Variants in CA8 observed in about 807,000 individuals in gnomAD.
CA8 encodes carbonic anhydrase-related protein.
A neutral mutation model predicts 41.4 loss-of-function variants in CA8; 22 were observed. The observed-to-expected ratio is 0.53, with a 90% CI of 0.38 to 0.76. The LOEUF is 0.76. Ranked by LOEUF, CA8 falls within the 30% of genes least tolerant of loss-of-function variation. The pLI is 0.00. For missense variants in CA8, 270 were observed against 352.8 expected (o/e 0.77, Z 1.88); for synonymous variants, 121 against 130.6 (o/e 0.93, Z 0.50).
At chr8:60,228,368 GA>G (rs112392279) in intron 4 of CA8, among the ~76,000 whole-genome samples, 1,794 of 152,340 alleles carry the variant, frequency 0.012, 24 homozygotes, top group African/African-American at 0.041. Context: ...AGGAGAAATG[GA>G]CTTCTCTTTT....
chr8:60,248,307 C>G (rs369383101), intron 3 of CA8, among the ~76,000 whole-genome samples: 7 of 152,022 alleles, frequency 4.6e-5, no homozygotes, highest in African/African-American at 1.7e-4. Flanking sequence ...TTTGGTGTTT[C>G]CGTCACGAAA....
chr8:60,265,788 A>G (rs1201990064), intron 3 of CA8, 137 bp downstream of exon 3: 1 of 965,086 alleles, frequency 1.0e-6, no homozygotes, highest in African/African-American at 1.6e-5. Context: ...CATTGCATTA[A>G]GCATTTTTTA....
chr8:60,217,315 G>A (rs1344219340), intron 7 of CA8, among the ~76,000 whole-genome samples: 1 of 152,188 alleles, frequency 6.6e-6, no homozygotes, highest in East Asian at 1.9e-4. Flanking sequence ...ATCTCTCCTT[G>A]TGGCTAAATC....
At chr8:60,199,833 A>T (rs374949453) in intron 8 of CA8, among the ~76,000 whole-genome samples, 1 of 152,230 alleles carries the variant, frequency 6.6e-6, no homozygotes, top group Non-Finnish European at 1.5e-5. Flanking sequence ...AGGCCAATCT[A>T]TATGTACCAA....
At chr8:60,224,232 C>A (rs1807348587) in intron 6 of CA8, among the ~76,000 whole-genome samples, 1 of 152,148 alleles carries the variant, frequency 6.6e-6, no homozygotes, top group African/African-American at 2.4e-5. Flanking sequence ...CAGGCATGAG[C>A]CACCACACCC....
chr8:60,280,898 G>A (rs1383281038), intron 1 of CA8, 150 bp downstream of exon 1: 6 of 680,322 alleles, frequency 8.8e-6, no homozygotes, highest in Admixed American at 6.3e-5. Context: ...AAACGCACCA[G>A]GGGAGTGGGA....
intron 7 of CA8, among the ~76,000 whole-genome samples, chr8:60,217,809 C>G (rs554052356): frequency 2.6e-5 from 4 of 152,328 alleles, no homozygotes; most frequent in African/African-American, 9.6e-5. Context: ...TCATCAGCCA[C>G]CAGGTTCTGC....
intron 7 of CA8, among the ~76,000 whole-genome samples, chr8:60,211,369 A>G (rs1479224167): frequency 6.6e-6 from 1 of 152,236 alleles, no homozygotes; most frequent in Non-Finnish European, 1.5e-5. Flanking sequence ...GAGGAAATTT[A>G]AAGTCATCTC....
chr8:60,274,368 T>C (rs939835350), intron 2 of CA8, among the ~76,000 whole-genome samples: 36 of 152,056 alleles, frequency 2.4e-4, no homozygotes, highest in African/African-American at 7.0e-4. Context: ...AGGGGGGTGG[T>C]GCTGGAAAGC....
At chr8:60,213,519 C>T (rs543356658) in intron 7 of CA8, among the ~76,000 whole-genome samples, 1 of 152,328 alleles carries the variant, frequency 6.6e-6, no homozygotes, top group South Asian at 2.1e-4. Context: ...CCTTGATTTG[C>T]ACTGTCCAGG....
chr8:60,264,606 A>G (rs1026686314), intron 3 of CA8, among the ~76,000 whole-genome samples: 1 of 152,222 alleles, frequency 6.6e-6, no homozygotes, highest in Non-Finnish European at 1.5e-5. Flanking sequence ...CTGAGCAAAC[A>G]GCTCCTAGAC....
intron 2 of CA8, among the ~76,000 whole-genome samples, chr8:60,275,592 AG>A (rs1474409585): frequency 6.6e-6 from 1 of 152,168 alleles, no homozygotes; most frequent in Non-Finnish European, 1.5e-5. Flanking sequence ...ACTAGAAAGT[AG>A]AAGAGAAAGG....
chr8:60,237,119 T>C (rs997762513), intron 3 of CA8, among the ~76,000 whole-genome samples: 18 of 152,200 alleles, frequency 1.2e-4, no homozygotes, highest in African/African-American at 4.3e-4. Context: ...AGAGGCAATG[T>C]GCTCTCATAA....
chr8:60,201,848 G>T (rs575833226), intron 8 of CA8, among the ~76,000 whole-genome samples: 1 of 152,036 alleles, frequency 6.6e-6, no homozygotes, highest in Non-Finnish European at 1.5e-5. Context: ...TTTAAATTTC[G>T]TGTTGTACTT....
At chr8:60,277,206 A>G in intron 2 of CA8, among the ~76,000 whole-genome samples, 1 of 151,950 alleles carries the variant, frequency 6.6e-6, no homozygotes, top group East Asian at 1.9e-4. Flanking sequence ...GCATAACAGC[A>G]TTATTATATT....
intron 8 of CA8, among the ~76,000 whole-genome samples, chr8:60,200,780 T>C (rs993475375): frequency 2.0e-5 from 3 of 152,214 alleles, no homozygotes; most frequent in African/African-American, 7.2e-5. Context: ...TGTGCTCAGA[T>C]GTGGATTCAG....
chr8:60,263,246 T>C (rs1803790351), intron 3 of CA8, among the ~76,000 whole-genome samples: 1 of 149,124 alleles, frequency 6.7e-6, no homozygotes, highest in Non-Finnish European at 1.5e-5. Context: ...CACCTGAAAC[T>C]GGGAGGCGGA....
intron 3 of CA8, among the ~76,000 whole-genome samples, chr8:60,244,023 A>T (rs1441618057): frequency 6.6e-6 from 1 of 152,126 alleles, no homozygotes; most frequent in Non-Finnish European, 1.5e-5. Flanking sequence ...CTCCAGTGGG[A>T]TATTTTAAAG....
At position 60,222,720 on chromosome 8, in the gene CA8, TGA is replaced by T. The variant is rs1290132632; in HGVS notation, c.665_666del (p.Leu222HisfsTer7). ...ACACCTTCACTGCAAGGTGGGATGG[TGA>T]GAGAGCCTTCATACACCCAGTAATC... ...LRDYWVYEGSLTIPPCSEGVT... is the reference protein window; with the variant it reads ...LRDYWVYEGSXTIPPCSEGVT... On this transcript the variant is annotated frameshift_variant, in exon 7 of 9. Coordinates refer to ENST00000317995, the MANE Select transcript of CA8 (RefSeq NM_004056.6). LOFTEE classifies it high-confidence loss of function. The T allele has an allele frequency of 1.2e-6, 2 of 1,613,958 alleles. No individual in the cohort carries two copies. Among genetic ancestry groups the T allele is most frequent in the Admixed American group, 1.7e-5 (1 of 60,016 alleles).
Sources: allele counts gnomAD v4.1 joint callset (sites outside exome capture counted in the v4.1 genomes callset), GRCh38; gene constraint gnomAD v4.1.1; transcripts MANE v1.5; gene names NCBI Gene and HGNC (gene_info 2026-07-23, HGNC 2026-07-21).